The following XKR6 variants were observed in gnomAD, a reference collection of about 807,000 sequenced individuals.
The protein encoded by XKR6 is XK related 6.
XKR6 carries 22 observed loss-of-function variants against 56.7 expected under a neutral mutation model. The observed-to-expected ratio is 0.39, with a 90% confidence interval of 0.28 to 0.55. XKR6 has a LOEUF of 0.55. XKR6 is among the 20% of genes least tolerant of loss of function. XKR6 has a pLI of 0.66. For missense variants in XKR6, 852 were observed against 889.0 expected (o/e 0.96, Z 0.53); for synonymous variants, 524 against 387.8 (o/e 1.35, Z -4.13).
At chr8:11,174,863 C>A (rs1039718723) in intron 1 of XKR6, among the ~76,000 whole-genome samples, 3 of 152,186 alleles carry the variant, frequency 2.0e-5, no homozygotes, top group Admixed American at 2.0e-4. Context: ...TTTTCAAATG[C>A]CCCAAGTCTG....
chr8:11,070,602 G>C (rs1478546944), intron 1 of XKR6, among the ~76,000 whole-genome samples: 1 of 152,158 alleles, frequency 6.6e-6, no homozygotes, highest in Non-Finnish European at 1.5e-5. Context: ...CTCACTAGTA[G>C]ATCCCAATGG....
chr8:10,992,915 G>A (rs140740307), intron 1 of XKR6, among the ~76,000 whole-genome samples: 3 of 152,344 alleles, frequency 2.0e-5, no homozygotes, highest in African/African-American at 7.2e-5. Context: ...ACGCCGAGCT[G>A]AGGTGGCAAA....
chr8:10,924,840 G>C lies in XKR6; in HGVS notation c.765-10C>G, dbSNP rs756452996. 6.8e-5 allele frequency: 109 copies of C among 1,608,868 alleles called. 1 individual carries two copies. In the Admixed American group the frequency reaches 1.8e-3, roughly 27 times the overall value. On this transcript the variant is annotated splice_polypyrimidine_tract_variant and intron_variant, in intron 1 of 2. Transcript: ENST00000416569. Reference sequence around the variant, plus strand: ...CATGGTGCGGATATACCTGCCCAGAGAGATGGGGAGAACACAGAGAGCATG... The same window carrying C: ...CATGGTGCGGATATACCTGCCCAGACAGATGGGGAGAACACAGAGAGCATG...
At chr8:10,904,330 G>C (rs1439241819) in intron 2 of XKR6, among the ~76,000 whole-genome samples, 1 of 152,152 alleles carries the variant, frequency 6.6e-6, no homozygotes, top group Non-Finnish European at 1.5e-5. Flanking sequence ...CTTGGAGAAA[G>C]GGCCTTTGGG....
chr8:11,015,195 CT>C lies in XKR6; in HGVS notation c.765-90366del, dbSNP rs35305267. Among the ~76,000 whole-genome samples the C allele has an allele frequency of 2.4e-3, 352 of 146,008 alleles. 3 individuals carry two copies. The highest frequency in any genetic ancestry group is 7.7e-3 in the Admixed American group (113 of 14,594). ...CACTCGGGAAATGCTGTGAGCTGCA[CT>C]TTTTTTTTTTTTTTAAGTAACCCAA... is the stretch of plus-strand genomic sequence containing the variant. On this transcript the variant is annotated intron_variant, in intron 1 of 2. Transcript: ENST00000416569.
intron 2 of XKR6, among the ~76,000 whole-genome samples, chr8:10,900,605 T>C (rs1357865496): frequency 6.6e-6 from 1 of 152,240 alleles, no homozygotes; most frequent in Non-Finnish European, 1.5e-5. Context: ...TGGAAATCTA[T>C]CTGGAAAACA....
chr8:11,187,109 C>A (rs1478840638), intron 1 of XKR6, among the ~76,000 whole-genome samples: 8 of 152,144 alleles, frequency 5.3e-5, no homozygotes, highest in Admixed American at 5.2e-4. Context: ...TTTAAAACCT[C>A]ACTATAACCA....
chr8:11,113,904 T>C (rs547859183), intron 1 of XKR6: 29 of 240,276 alleles, frequency 1.2e-4, no homozygotes, highest in South Asian at 9.9e-4. Flanking sequence ...GTTTTTAATC[T>C]TGAAGAGGAA....
chr8:11,043,818 T>G (rs1352359382), intron 1 of XKR6, among the ~76,000 whole-genome samples: 2 of 152,164 alleles, frequency 1.3e-5, no homozygotes, highest in East Asian at 3.9e-4. Context: ...TGACCAGCAT[T>G]AATGCCAAAG....
chr8:11,173,604 G>C (rs7017355), intron 1 of XKR6, among the ~76,000 whole-genome samples: 7,448 of 152,138 alleles, frequency 0.049, 240 homozygotes, highest in South Asian at 0.084. Flanking sequence ...GTCACCATGA[G>C]AGTTCAGTGA....
chr8:11,095,393 T>C (rs1170252004), intron 1 of XKR6, among the ~76,000 whole-genome samples: 1 of 152,234 alleles, frequency 6.6e-6, no homozygotes, highest in Non-Finnish European at 1.5e-5. Flanking sequence ...GTAGTGTTAG[T>C]AACACCTAAG....
intron 1 of XKR6, among the ~76,000 whole-genome samples, chr8:11,157,750 A>G (rs1371855054): frequency 6.6e-6 from 1 of 152,158 alleles, no homozygotes. Flanking sequence ...CCCGGTCTCA[A>G]GCAATCCTTC....
At chr8:11,096,915 T>G (rs1311485192) in intron 1 of XKR6, among the ~76,000 whole-genome samples, 1 of 152,218 alleles carries the variant, frequency 6.6e-6, no homozygotes, top group African/African-American at 2.4e-5. Flanking sequence ...GACATTTGGT[T>G]TCAGGATGGC....
At chr8:11,127,343 A>C (rs546921955) in intron 1 of XKR6, among the ~76,000 whole-genome samples, 4 of 152,368 alleles carry the variant, frequency 2.6e-5, no homozygotes, top group South Asian at 4.1e-4. Context: ...TTCACCACAT[A>C]ATAAGTTACC....
At chr8:11,116,933 G>A (rs552864628) in intron 1 of XKR6, among the ~76,000 whole-genome samples, 4 of 152,106 alleles carry the variant, frequency 2.6e-5, no homozygotes, top group Non-Finnish European at 4.4e-5. Flanking sequence ...ATCCTCAGAG[G>A]TATATTTCAG....
intron 1 of XKR6, among the ~76,000 whole-genome samples, chr8:11,016,387 C>A (rs1033069656): frequency 1.3e-5 from 2 of 152,136 alleles, no homozygotes; most frequent in Non-Finnish European, 2.9e-5. Flanking sequence ...GCGGGGACGC[C>A]GGGGACTCGG....
chr8:11,160,763 CTGGGTATGG>C (rs1220333094), intron 1 of XKR6, among the ~76,000 whole-genome samples: 1 of 151,916 alleles, frequency 6.6e-6, no homozygotes, highest in African/African-American at 2.4e-5. Context: ...CAAAAATTAG[CTGGGTATGG>C]TGGCACTTGC....
At chr8:10,924,178 C>T (rs4841458) in intron 2 of XKR6, among the ~76,000 whole-genome samples, 49,372 of 152,138 alleles carry the variant, frequency 0.32, 9,038 homozygotes, top group African/African-American at 0.47. Context: ...TACACATGAG[C>T]TTGGTTTGAA....
At chr8:11,158,775 C>A (rs1801650505) in intron 1 of XKR6, among the ~76,000 whole-genome samples, 1 of 152,138 alleles carries the variant, frequency 6.6e-6, no homozygotes, top group Non-Finnish European at 1.5e-5. Flanking sequence ...ACAGCTAACA[C>A]AATTTTTTAA....
Sources: allele counts gnomAD v4.1 joint callset (sites outside exome capture counted in the v4.1 genomes callset), GRCh38; gene constraint gnomAD v4.1.1; transcripts MANE v1.5; gene names NCBI Gene and HGNC (gene_info 2026-07-23, HGNC 2026-07-21).